The following LRP1B variants were observed in gnomAD, a reference collection of about 807,000 sequenced individuals.
The protein encoded by LRP1B is low-density lipoprotein receptor-related protein 1B.
A neutral mutation model predicts 556.6 loss-of-function variants in LRP1B; 217 were observed. That is an observed-to-expected ratio of 0.39 (90% CI 0.35 to 0.44). The LOEUF (loss-of-function observed/expected upper bound fraction) is 0.44. Among genes scored for constraint, LRP1B ranks in the 20% least tolerant of loss-of-function variants. LRP1B has a pLI of 1.00. For missense variants in LRP1B, 5,053 were observed against 5,620.8 expected (o/e 0.90, Z 3.23); for synonymous variants, 2,047 against 1,865.8 (o/e 1.10, Z -2.50).
intron 3 of LRP1B, among the ~76,000 whole-genome samples, chr2:141,378,012 A>T (rs193279252): frequency 6.6e-6 from 1 of 152,312 alleles, no homozygotes; most frequent in Admixed American, 6.5e-5. Flanking sequence ...TTTAGCTAAT[A>T]ATGAACAACA....
intron 3 of LRP1B, among the ~76,000 whole-genome samples, chr2:141,276,661 T>TCTTTCTTTCTTTC (rs1553486483): frequency 9.7e-6 from 1 of 103,288 alleles, no homozygotes; most frequent in African/African-American, 2.9e-5. Flanking sequence ...TTTCTTTCTT[T>TCTTTCTTTCTTTC]TTTTTTTTTT....
At chr2:141,346,338 G>C (rs943417722) in intron 3 of LRP1B, among the ~76,000 whole-genome samples, 7 of 152,060 alleles carry the variant, frequency 4.6e-5, no homozygotes, top group African/African-American at 1.7e-4. Context: ...ATTATAGGGA[G>C]ATCTTTACAA....
In LRP1B at chr2:142,115,529, A is replaced by ATGTAATG. The variant is rs1251633141; in HGVS notation, c.82+15118_82+15119insCATTACA. Among the ~76,000 whole-genome samples the ATGTAATG allele has an allele frequency of 1.8e-4, 9 of 51,398 alleles. 2 individuals carry two copies. Among genetic ancestry groups the ATGTAATG allele is most frequent in the Non-Finnish European group, 2.4e-4 (6 of 24,698 alleles). The allele number at this position is 51,398 out of a possible 152,430, so 33.7% of individuals were successfully genotyped here. A position where few individuals can be genotyped will look rare whatever the true frequency, so the allele number is the denominator to read the frequency against. Reference sequence around the variant, plus strand: ...ATATTATATATTACATATATAATATATATATTACATATGTAATATATATAT... The same window carrying ATGTAATG: ...ATATTATATATTACATATATAATATATGTAATGTATATTACATATGTAATATATATAT... On this transcript the variant is annotated intron_variant, in intron 1 of 90. Coordinates refer to ENST00000389484, the MANE Select transcript of LRP1B (RefSeq NM_018557.3).
chr2:140,348,032 T>C (rs1185744519), intron 77 of LRP1B, among the ~76,000 whole-genome samples: 1 of 152,008 alleles, frequency 6.6e-6, no homozygotes, highest in African/African-American at 2.4e-5. Flanking sequence ...TAAACACAAA[T>C]TGTCCAGATA....
chr2:140,772,999 T>C (rs1325228419), intron 33 of LRP1B, among the ~76,000 whole-genome samples: 1 of 152,024 alleles, frequency 6.6e-6, no homozygotes, highest in East Asian at 1.9e-4. Flanking sequence ...CTCGGGAGGC[T>C]GAGGCATGAG....
chr2:140,828,587 C>T (rs1174677224), intron 31 of LRP1B, among the ~76,000 whole-genome samples: 48 of 104,446 alleles, frequency 4.6e-4, no homozygotes, highest in South Asian at 7.2e-4. Context: ...CCAGCCTGGG[C>T]GACAGAGCGA....
At chr2:142,039,509 G>A (rs1225224864) in intron 1 of LRP1B, among the ~76,000 whole-genome samples, 2 of 151,314 alleles carry the variant, frequency 1.3e-5, no homozygotes, top group African/African-American at 2.4e-5. Context: ...AAGAAATGAT[G>A]GTCACTTTAT....
Position 140,231,957 on chromosome 2 carries a change from T to C in LRP1B, c.*1229A>G, listed in dbSNP as rs1177788894. On this transcript the variant is annotated 3_prime_UTR_variant, in exon 91 of 91. Transcript: ENST00000389484. ...TAAATCGCACTCGTTTCAACTCAAA[T>C]TTGAAGATAAACAAACCAAACGTGA... 6.6e-6 allele frequency: 1 copy of C among 151,678 alleles called. No individual in the cohort carries two copies. The highest frequency in any genetic ancestry group is 1.5e-5 in the Non-Finnish European group (1 of 67,534). 9.4% of individuals were successfully genotyped at this position (151,678 alleles called of 1,614,324 possible).
chr2:140,248,667 G>A (rs988958128), intron 86 of LRP1B, among the ~76,000 whole-genome samples: 2 of 151,484 alleles, frequency 1.3e-5, no homozygotes, highest in African/African-American at 4.8e-5. Context: ...AAATCATTGT[G>A]TTTGTTTTTT....
At chr2:140,505,163 C>T (rs899877410) in intron 53 of LRP1B, among the ~76,000 whole-genome samples, 2 of 152,164 alleles carry the variant, frequency 1.3e-5, no homozygotes, top group Non-Finnish European at 2.9e-5. Flanking sequence ...GCTCTAAGAA[C>T]TTTACAAATA....
chr2:140,983,163 T>G (rs2105345059), intron 17 of LRP1B, among the ~76,000 whole-genome samples: 1 of 152,240 alleles, frequency 6.6e-6, no homozygotes, highest in Non-Finnish European at 1.5e-5. Context: ...GTTTTTATCC[T>G]CTGATTTTCA....
chr2:141,474,889 T>C (rs1682640937), intron 3 of LRP1B, among the ~76,000 whole-genome samples: 1 of 152,210 alleles, frequency 6.6e-6, no homozygotes, highest in South Asian at 2.1e-4. Flanking sequence ...ACACATGTTA[T>C]TCTCTTAGAT....
chr2:140,420,900 G>A (rs914543922), intron 66 of LRP1B, among the ~76,000 whole-genome samples: 3 of 152,134 alleles, frequency 2.0e-5, no homozygotes, highest in African/African-American at 4.8e-5. Flanking sequence ...TCTTGATTGT[G>A]TAGAGGGTTT....
chr2:140,632,084 C>T (rs1192652496), intron 41 of LRP1B, among the ~76,000 whole-genome samples: 1 of 152,122 alleles, frequency 6.6e-6, no homozygotes, highest in Non-Finnish European at 1.5e-5. Flanking sequence ...TAAATAAAAA[C>T]TTTCTCAAAC....
At chr2:141,195,868 G>A (rs1681729365) in intron 6 of LRP1B, among the ~76,000 whole-genome samples, 2 of 152,048 alleles carry the variant, frequency 1.3e-5, no homozygotes, top group African/African-American at 4.8e-5. Flanking sequence ...AAAAATGGCA[G>A]AGAGTGGCTG....
At chr2:140,440,346 A>G (rs895419908) in intron 66 of LRP1B, among the ~76,000 whole-genome samples, 1 of 152,180 alleles carries the variant, frequency 6.6e-6, no homozygotes, top group Admixed American at 6.5e-5. Context: ...CCCTGAGGAC[A>G]TGGGACATGT....
intron 23 of LRP1B, chr2:140,898,945 C>A: frequency 2.7e-6 from 1 of 377,014 alleles, no homozygotes; most frequent in South Asian, 2.1e-5. Context: ...ATCTGGCTGT[C>A]CTTGCCTTAA....
At chr2:141,302,140 A>G (rs1686418750) in intron 3 of LRP1B, among the ~76,000 whole-genome samples, 2 of 152,158 alleles carry the variant, frequency 1.3e-5, no homozygotes, top group Admixed American at 1.3e-4. Flanking sequence ...TAACTGTAGC[A>G]TTCTCTTACA....
At chr2:141,114,229 C>T (rs578084939) in intron 7 of LRP1B, among the ~76,000 whole-genome samples, 102 of 152,294 alleles carry the variant, frequency 6.7e-4, no homozygotes, top group African/African-American at 2.4e-3. Flanking sequence ...TAAGGGTGTG[C>T]TACAATTAAT....
Sources: gnomAD v4.1 joint callset for allele counts (sites outside exome capture counted in the v4.1 genomes callset) on GRCh38, gnomAD v4.1.1 for gene constraint, MANE v1.5 for transcripts, NCBI Gene and HGNC (gene_info 2026-07-23, HGNC 2026-07-21) for gene names.